Variants in GRK3 observed in about 807,000 individuals in gnomAD.
GRK3 encodes the protein adrenergic, beta, receptor kinase 2.
GRK3 carries 54 observed loss-of-function variants against 95.7 expected under a neutral mutation model. The ratio of observed to expected loss-of-function variants is 0.56; its 90% confidence interval spans 0.45 to 0.71. The LOEUF is 0.71. Ranked by LOEUF, GRK3 falls within the 30% of genes least tolerant of loss-of-function variation. The pLI is 0.00. For synonymous variants in GRK3, 281 were observed against 290.8 expected (o/e 0.97, Z 0.34); for missense variants, 649 against 851.2 (o/e 0.76, Z 2.96).
intron 3 of GRK3, chr22:25,648,195 A>G: frequency 2.7e-6 from 2 of 744,146 alleles, no homozygotes; most frequent in Non-Finnish European, 5.0e-6. Context: ...TTCCCTCTCT[A>G]TTCGTGATTG....
intron 2 of GRK3, among the ~76,000 whole-genome samples, chr22:25,624,075 G>T (rs572475903): frequency 6.6e-6 from 1 of 152,250 alleles, no homozygotes; most frequent in Admixed American, 6.5e-5. Flanking sequence ...GGTGCAGTCA[G>T]CTTGTTCCTG....
chr22:25,649,329 C>T (rs1310899707), intron 3 of GRK3: 3 of 667,062 alleles, frequency 4.5e-6, no homozygotes, highest in Non-Finnish European at 2.6e-6. Flanking sequence ...ATCTTCTTTA[C>T]TCTGCACATT....
At chr22:25,619,044 T>A (rs2084560873) in intron 2 of GRK3, among the ~76,000 whole-genome samples, 1 of 152,252 alleles carries the variant, frequency 6.6e-6, no homozygotes, top group African/African-American at 2.4e-5. Flanking sequence ...CCTTGAAGTA[T>A]AATTTCATTT....
intron 16 of GRK3, among the ~76,000 whole-genome samples, chr22:25,710,447 A>C (rs1285810125): frequency 2.0e-5 from 3 of 152,204 alleles, no homozygotes; most frequent in African/African-American, 4.8e-5. Context: ...ATTTTATATC[A>C]GCATGATTTC....
At chr22:25,616,174 A>G (rs2084536660) in intron 2 of GRK3, among the ~76,000 whole-genome samples, 1 of 152,170 alleles carries the variant, frequency 6.6e-6, no homozygotes. Flanking sequence ...ATGGGGAGGC[A>G]TGGGCCAGGG....
intron 7 of GRK3, among the ~76,000 whole-genome samples, chr22:25,673,038 T>C (rs569834114): frequency 1.3e-5 from 2 of 151,422 alleles, no homozygotes; most frequent in Non-Finnish European, 2.9e-5. Flanking sequence ...TTGAGATTTT[T>C]TACTTGAATG....
At chr22:25,616,125 G>A (rs1430632855) in intron 2 of GRK3, among the ~76,000 whole-genome samples, 1 of 152,032 alleles carries the variant, frequency 6.6e-6, no homozygotes, top group African/African-American at 2.4e-5. Context: ...AGTTGGGATG[G>A]CATAATCTGA....
intron 8 of GRK3, among the ~76,000 whole-genome samples, chr22:25,678,453 C>CA (rs34319892): frequency 0.022 from 3,323 of 148,926 alleles, 49 homozygotes; most frequent in Middle Eastern, 0.038. Flanking sequence ...GACTCTGTCT[C>CA]AAAAAAAAAC....
At chr22:25,579,485 T>G (rs1358327448) in intron 1 of GRK3, among the ~76,000 whole-genome samples, 3 of 151,760 alleles carry the variant, frequency 2.0e-5, no homozygotes, top group East Asian at 3.9e-4. Context: ...TTATTATTTT[T>G]TTTTTGAGAT....
chr22:25,620,833 G>A (rs1226569337), intron 2 of GRK3, among the ~76,000 whole-genome samples: 2 of 152,184 alleles, frequency 1.3e-5, no homozygotes, highest in East Asian at 3.9e-4. Flanking sequence ...TTGAGTTGTA[G>A]TATTGAGTAT....
intron 1 of GRK3, among the ~76,000 whole-genome samples, chr22:25,570,612 A>G (rs1014314987): frequency 2.0e-5 from 3 of 152,162 alleles, no homozygotes; most frequent in African/African-American, 7.2e-5. Flanking sequence ...TTCTCTGGAC[A>G]TTGGCAATGG....
intron 7 of GRK3, 29 bp from the exon 8 acceptor site, chr22:25,674,408 T>C (rs372621335): frequency 6.5e-7 from 1 of 1,547,352 alleles, no homozygotes; most frequent in Non-Finnish European, 8.9e-7. Context: ...TGTAATCTTA[T>C]GTTTTCATTT....
chr22:25,633,064 C>T (rs1034070108), intron 2 of GRK3, among the ~76,000 whole-genome samples: 3 of 151,878 alleles, frequency 2.0e-5, no homozygotes, highest in Non-Finnish European at 4.4e-5. Context: ...GCACCTGCCA[C>T]CAAGCCTGGC....
At chr22:25,688,023 T>G (rs955377031) in intron 11 of GRK3, among the ~76,000 whole-genome samples, 11 of 152,090 alleles carry the variant, frequency 7.2e-5, no homozygotes, top group Admixed American at 5.9e-4. Context: ...GATCACAAGG[T>G]CAGGAGATCA....
At chr22:25,655,144 A>G (rs914799396) in intron 3 of GRK3, among the ~76,000 whole-genome samples, 5 of 152,152 alleles carry the variant, frequency 3.3e-5, no homozygotes, top group African/African-American at 1.2e-4. Flanking sequence ...GTATCTTGAA[A>G]TGTACATTTT....
rs922062708 is a variant in GRK3, at chr22:25,722,518, A to T, written c.*68A>T. ...TCTCAGCCTTTTGGGGTGAACGAGG[A>T]TGAGGCATCTGATCTATTCGCTACC... On this transcript the variant is annotated 3_prime_UTR_variant, in exon 21 of 21. Transcript: ENST00000324198. 6.5e-6 allele frequency: 10 copies of T among 1,544,574 alleles called. No homozygotes were observed. The highest frequency in any genetic ancestry group is 1.1e-5 in the South Asian group (1 of 87,034).
intron 3 of GRK3, chr22:25,648,222 G>A: frequency 2.6e-6 from 2 of 765,912 alleles, no homozygotes; most frequent in Non-Finnish European, 4.8e-6. Context: ...GGTAAGGGGT[G>A]ACAATGTGAA....
chr22:25,628,994 G>C (rs1284861532), intron 2 of GRK3, among the ~76,000 whole-genome samples: 1 of 152,164 alleles, frequency 6.6e-6, no homozygotes, highest in East Asian at 1.9e-4. Flanking sequence ...GACTGGGCAG[G>C]AAGATGAAGG....
intron 13 of GRK3, among the ~76,000 whole-genome samples, chr22:25,696,463 G>T (rs2085209704): frequency 6.6e-6 from 1 of 152,150 alleles, no homozygotes; most frequent in Admixed American, 6.5e-5. Flanking sequence ...TAACAATTAT[G>T]TTAATGTTGC....
Sources: gnomAD v4.1 joint callset for allele counts (sites outside exome capture counted in the v4.1 genomes callset) on GRCh38, gnomAD v4.1.1 for gene constraint, MANE v1.5 for transcripts, NCBI Gene and HGNC (gene_info 2026-07-23, HGNC 2026-07-21) for gene names.